HEATR5A: variants seen among roughly 807,000 people sequenced by gnomAD.
HEATR5A encodes the protein HEAT repeat containing 5A.
Under a neutral mutation model 218.8 loss-of-function variants are expected in HEATR5A, and 178 were observed. The ratio of observed to expected loss-of-function variants is 0.81; its 90% CI spans 0.72 to 0.92. HEATR5A has a LOEUF of 0.92. HEATR5A is among the 40% of genes least tolerant of loss of function. The probability of loss-of-function intolerance (pLI) is 0.00; values close to 1 mark genes in which losing one functional copy is unlikely to be tolerated. For missense variants in HEATR5A, 2,420 were observed against 2,418.9 expected (o/e 1.00, Z -0.01); for synonymous variants, 864 against 871.6 (o/e 0.99, Z 0.15).
At chr14:31,377,697 G>A (rs932426398) in intron 11 of HEATR5A, among the ~76,000 whole-genome samples, 1 of 151,904 alleles carries the variant, frequency 6.6e-6, no homozygotes, top group African/African-American at 2.4e-5. Flanking sequence ...TGGATCACCC[G>A]AGCCTGCGGA....
At chr14:31,353,706 A>G (rs1255720199) in intron 16 of HEATR5A, among the ~76,000 whole-genome samples, 1 of 151,234 alleles carries the variant, frequency 6.6e-6, no homozygotes, top group Non-Finnish European at 1.5e-5. Flanking sequence ...ACTGCATTCC[A>G]GCCTGGATGA....
chr14:31,375,305 A>G (rs1902186097), intron 11 of HEATR5A, among the ~76,000 whole-genome samples: 2 of 152,334 alleles, frequency 1.3e-5, no homozygotes, highest in Admixed American at 6.5e-5. Flanking sequence ...TGTCAGGTCC[A>G]AATGATAGAA....
chr14:31,325,880 A>G, intron 23 of HEATR5A: 1 of 411,554 alleles, frequency 2.4e-6, no homozygotes, highest in Non-Finnish European at 4.4e-6. Flanking sequence ...CACACCTTTT[A>G]GGGCATAAAC....
chr14:31,323,238 G>A (rs551941013), intron 24 of HEATR5A, among the ~76,000 whole-genome samples: 63 of 152,300 alleles, frequency 4.1e-4, no homozygotes, highest in African/African-American at 1.4e-3. Context: ...ACGGCTCACT[G>A]CAAGCTCAAA....
intron 21 of HEATR5A, among the ~76,000 whole-genome samples, chr14:31,342,366 A>G (rs751972211): frequency 2.6e-5 from 4 of 152,270 alleles, no homozygotes; most frequent in Non-Finnish European, 5.9e-5. Flanking sequence ...CCAGCCTGAC[A>G]AAGTGAGACT....
intron 16 of HEATR5A, among the ~76,000 whole-genome samples, chr14:31,350,950 G>A (rs1292362281): frequency 6.6e-6 from 1 of 151,988 alleles, no homozygotes; most frequent in Non-Finnish European, 1.5e-5. Flanking sequence ...GTTAATTTTT[G>A]TATTTTTAGT....
chr14:31,408,355 T>G (rs1442043574), intron 1 of HEATR5A, among the ~76,000 whole-genome samples: 1 of 152,168 alleles, frequency 6.6e-6, no homozygotes, highest in Non-Finnish European at 1.5e-5. Flanking sequence ...TTAACATTAT[T>G]TTATATTAAA....
chr14:31,347,716 A>G (rs1901068269), intron 19 of HEATR5A, 32 bp downstream of exon 19: 1 of 1,469,492 alleles, frequency 6.8e-7, no homozygotes, highest in South Asian at 1.6e-5. Flanking sequence ...AAAATCATGA[A>G]TTTCAAGGGA....
Position 31,293,494 on chromosome 14 carries a change from G to A in HEATR5A, c.5952C>T (p.Leu1984=), listed in dbSNP as rs1332237609. The A allele has an allele frequency of 6.2e-7, 1 of 1,613,924 alleles. No homozygotes were observed. Among genetic ancestry groups the A allele is most frequent in the East Asian group, 2.2e-5 (1 of 44,876 alleles). The change falls in exon 36 of 36, where the codon CTC becomes CTT. Residue 1984 remains leucine, a synonymous_variant. Coordinates refer to ENST00000543095, the MANE Select transcript of HEATR5A (RefSeq NM_015473.4). ...ATGAATACTGAGGTCCAATTTGCAT[G>A]AGATTTTGTAGAGCAAAGTCATGTA... ...RNLHDFALQN[L]MQIGPQYSSV...
At chr14:31,318,118 T>C (rs2139159193) in intron 26 of HEATR5A, 106 bp downstream of exon 26, 1 of 886,290 alleles carries the variant, frequency 1.1e-6, no homozygotes, top group African/African-American at 1.6e-5. Context: ...GTGTAAGCTA[T>C]GATTGACGGT....
At chr14:31,365,517 C>G (rs553889083) in intron 13 of HEATR5A, among the ~76,000 whole-genome samples, 1 of 151,980 alleles carries the variant, frequency 6.6e-6, no homozygotes, top group Admixed American at 6.6e-5. Context: ...CGTGCCACCA[C>G]GCCTGGCTAA....
chr14:31,334,008 A>C (rs1001983423), intron 22 of HEATR5A, among the ~76,000 whole-genome samples: 11 of 138,056 alleles, frequency 8.0e-5, no homozygotes, highest in Non-Finnish European at 3.1e-5. Flanking sequence ...ACTGCACTCC[A>C]GCCAGGGCGA....
intron 22 of HEATR5A, among the ~76,000 whole-genome samples, chr14:31,328,622 A>G (rs1284221204): frequency 6.6e-6 from 1 of 152,158 alleles, no homozygotes; most frequent in Non-Finnish European, 1.5e-5. Context: ...GCTCACGCCC[A>G]TAATCCCAGC....
At chr14:31,316,483 G>T (rs1899916593) in intron 26 of HEATR5A, among the ~76,000 whole-genome samples, 1 of 152,150 alleles carries the variant, frequency 6.6e-6, no homozygotes, top group South Asian at 2.1e-4. Context: ...GAAGTCTAAG[G>T]CTGAAGCAAG....
At chr14:31,369,957 G>C (rs1474940159) in intron 13 of HEATR5A, among the ~76,000 whole-genome samples, 1 of 148,190 alleles carries the variant, frequency 6.7e-6, no homozygotes, top group African/African-American at 2.5e-5. Flanking sequence ...GGCCAGGCAT[G>C]GTGGCTCATG....
intron 4 of HEATR5A, among the ~76,000 whole-genome samples, chr14:31,396,829 G>A (rs1417337984): frequency 9.9e-5 from 15 of 152,060 alleles, no homozygotes; most frequent in Non-Finnish European, 1.5e-4. Context: ...TAAAAAATAG[G>A]GGAGCAACAA....
At chr14:31,359,484 T>C (rs1249480025) in intron 14 of HEATR5A, among the ~76,000 whole-genome samples, 3 of 151,654 alleles carry the variant, frequency 2.0e-5, no homozygotes, top group African/African-American at 7.3e-5. Flanking sequence ...CCCAGCACTT[T>C]GGGAGGCGAA....
chr14:31,306,328 A>G (rs924245211), intron 31 of HEATR5A, among the ~76,000 whole-genome samples: 2 of 152,092 alleles, frequency 1.3e-5, no homozygotes, highest in Non-Finnish European at 2.9e-5. Flanking sequence ...AAAAAATACG[A>G]AAAAATTAGC....
At chr14:31,400,089 C>G (rs1194651368) in intron 3 of HEATR5A, among the ~76,000 whole-genome samples, 2 of 152,158 alleles carry the variant, frequency 1.3e-5, no homozygotes, top group Non-Finnish European at 2.9e-5. Flanking sequence ...AATCTCAAAT[C>G]TAGACTTCAA....
Sources: allele counts gnomAD v4.1 joint callset (sites outside exome capture counted in the v4.1 genomes callset), GRCh38; gene constraint gnomAD v4.1.1; transcripts MANE v1.5; gene names NCBI Gene and HGNC (gene_info 2026-07-23, HGNC 2026-07-21).